The following ROBO4 variants were observed in gnomAD, a reference collection of about 807,000 sequenced individuals.
ROBO4 encodes the protein roundabout guidance receptor 4.
Under a neutral mutation model 103.3 loss-of-function variants are expected in ROBO4, and 80 were observed. The ratio of observed to expected loss-of-function variants is 0.77; its 90% CI spans 0.65 to 0.93. ROBO4 has a LOEUF of 0.93. Among genes scored for constraint, ROBO4 ranks in the 40% least tolerant of loss-of-function variants. The probability of loss-of-function intolerance (pLI) is 0.00; values close to 1 mark genes in which losing one functional copy is unlikely to be tolerated. For missense variants in ROBO4, 1,333 were observed against 1,305.3 expected (o/e 1.02, Z -0.33); for synonymous variants, 504 against 529.7 (o/e 0.95, Z 0.67).
Position 124,893,979 on chromosome 11 carries a change from C to T in ROBO4, c.1385G>A (p.Arg462Lys). 6.3e-7 allele frequency: 1 copy of T among 1,592,618 alleles called. No homozygotes were observed. The highest frequency in any genetic ancestry group is 8.5e-7 in the Non-Finnish European group (1 of 1,170,856). ...GACCTCAGGCCGCTTCAAGGTAGCC[C>T]TCAGCTGCTCCAGGGTCCAGGGACC... Reference protein sequence around the residue: ...EHGPWTLEQLRATLKRPEVIA... With the variant: ...EHGPWTLEQLKATLKRPEVIA... Residue 462 changes from arginine (R) to lysine (K), a missense_variant, in exon 9 of 18, where the codon AGG becomes AAG. Transcript: ENST00000306534.
rs1946796581 is a variant in ROBO4 at position 124,891,492 on chromosome 11, G to A, written c.1755C>T (p.Leu585=). 1.9e-6 allele frequency: 3 copies of A among 1,614,044 alleles called. No homozygotes were observed. Among genetic ancestry groups the A allele is most frequent in the Non-Finnish European group, 2.5e-6 (3 of 1,179,938 alleles). The change falls in exon 12 of 18, where the codon CTC becomes CTT. Residue 585 remains leucine, a synonymous_variant. Coordinates refer to ENST00000306534, the MANE Select transcript of ROBO4 (RefSeq NM_019055.6). ...LPDTSTFYGS[L]IAELPSSTPA... ...GGGTACTGGAGGGCAGCTCAGCGAT[G>A]AGGGAGCCATAAAAAGTGCTGGTGT... is the stretch of plus-strand genomic sequence containing the variant.
intron 10 of ROBO4, 107 bp downstream of exon 10, chr11:124,893,581 A>T (rs1946831692): frequency 2.1e-6 from 2 of 973,122 alleles, no homozygotes; most frequent in Non-Finnish European, 3.4e-6. Flanking sequence ...CATGTACGAC[A>T]GTCCCAAACT....
At chr11:124,891,248 C>T in intron 12 of ROBO4, 51 bp downstream of exon 12, 1 of 1,495,778 alleles carries the variant, frequency 6.7e-7, no homozygotes, top group East Asian at 2.3e-5. Context: ...ATTCCCATTC[C>T]TGGGCCCGCC....
chr11:124,895,781 T>G lies in ROBO4; in HGVS notation c.807+4A>C, dbSNP rs760164792. ...GGCTTTTACCCTTAGCACCTGGTCC[T>G]CACCTTCCAGCTGAGCCACACCGCC... On this transcript the variant is annotated splice_donor_region_variant and intron_variant, in intron 5 of 17. Coordinates refer to ENST00000306534, the MANE Select transcript of ROBO4 (RefSeq NM_019055.6). The G allele has an allele frequency of 6.2e-7, 1 of 1,614,126 alleles. No individual in the cohort carries two copies.
In ROBO4 at chr11:124,887,075, G is replaced by C; in HGVS notation, c.2337C>G (p.Ser779Arg). 1 of 1,613,896 alleles carries C rather than the reference G, an allele frequency of 6.2e-7. No homozygotes were observed. Among genetic ancestry groups the C allele is most frequent in the Non-Finnish European group, 8.5e-7 (1 of 1,179,854 alleles). ...GPSPASSRLS[S>R]SSLSSLGEDQ... The stretch of plus-strand genomic sequence containing the variant: ...CCTCCCCCAGGGATGACAGTGAGGA[G>C]CTGGACAGGCGACTGGAAGCTGGGC... The change falls in exon 15 of 18, where the codon AGC becomes AGG. Residue 779 changes from serine to arginine, a missense_variant. Physicochemically the swap from Ser to Arg is moderately radical, Grantham distance 110. Coordinates refer to ENST00000306534, the MANE Select transcript of ROBO4 (RefSeq NM_019055.6).
chr11:124,895,302 C>G, intron 6 of ROBO4, 109 bp from the exon 7 acceptor site: 1 of 1,133,248 alleles, frequency 8.8e-7, no homozygotes, highest in South Asian at 1.4e-5. Context: ...GACAAGAAGC[C>G]TCTTGAAGCT....
intron 12 of ROBO4, among the ~76,000 whole-genome samples, 191 bp from the exon 13 acceptor site, chr11:124,888,031 G>A (rs1946744618): frequency 6.6e-6 from 1 of 152,254 alleles, no homozygotes; most frequent in South Asian, 2.1e-4. Context: ...AGGAGCACTA[G>A]GCTTGGGGTC....
chr11:124,895,648 G>T lies in ROBO4; in HGVS notation c.845C>A (p.Ala282Asp), dbSNP rs1225685486. ...CGGGGCAGTCTGGGTCCTGAACAAG[G>T]CCGTGTAAGATTGGGCAGGCGCAGC... ...GPAAPAQSYTALFRTQTAPGG... is the reference protein window; with the variant it reads ...GPAAPAQSYTDLFRTQTAPGG... The change falls in exon 6 of 18, where the codon GCC (alanine) becomes GAC (aspartate). Residue 282 changes from alanine (A) to aspartate (D), a missense_variant. Transcript: ENST00000306534. The T allele has an allele frequency of 6.2e-7, 1 of 1,613,794 alleles. No homozygotes were observed. Among genetic ancestry groups the T allele is most frequent in the African/African-American group, 1.3e-5 (1 of 74,924 alleles).
intron 12 of ROBO4, among the ~76,000 whole-genome samples, chr11:124,889,774 A>T (rs144437427): frequency 6.6e-6 from 1 of 152,284 alleles, no homozygotes; most frequent in African/African-American, 2.4e-5. Flanking sequence ...TGCCAGTTTT[A>T]GAAGAGGAAG....
intron 5 of ROBO4, 25 bp from the exon 6 acceptor site, chr11:124,895,710 C>T (rs767349634): frequency 2.7e-5 from 43 of 1,611,122 alleles, no homozygotes; most frequent in Non-Finnish European, 3.5e-5. Context: ...CGAGGAAGGG[C>T]GGGGGGTCAG....
chr11:124,891,850 T>A (rs1179285715), intron 10 of ROBO4, 48 bp from the exon 11 acceptor site: 4 of 1,607,042 alleles, frequency 2.5e-6, no homozygotes, highest in Non-Finnish European at 3.4e-6. Flanking sequence ...CAGGGAGAAG[T>A]GAGAACCTTT....
chr11:124,885,601 G>A (rs1369829856), intron 16 of ROBO4, among the ~76,000 whole-genome samples: 5 of 150,778 alleles, frequency 3.3e-5, no homozygotes, highest in African/African-American at 1.2e-4. Context: ...TTTTGTCGGG[G>A]CAAAGGATAG....
intron 12 of ROBO4, among the ~76,000 whole-genome samples, chr11:124,889,396 G>C (rs1946768181): frequency 6.6e-6 from 1 of 152,128 alleles, no homozygotes; most frequent in Non-Finnish European, 1.5e-5. Flanking sequence ...TTTTATCCTA[G>C]CCTGTTTCAC....
chr11:124,896,527 G>A lies in ROBO4; in HGVS notation c.544C>T (p.Pro182Ser), dbSNP rs781124190. ...GCCACACTTACTGTGTGCCTTCCGGGCTGGAGGGCCAGGGGTTTCCCATCT... is the reference window on the plus strand; with the variant it reads ...GCCACACTTACTGTGTGCCTTCCGGACTGGAGGGCCAGGGGTTTCCCATCT... ...WKDGKPLALQ[P>S]GRHTVSGGSL... The change falls in exon 3 of 18, where the codon CCC becomes TCC. Residue 182 changes from proline to serine, a missense_variant. By Grantham distance (74) the Pro-to-Ser change is moderately conservative. Coordinates refer to ENST00000306534, the MANE Select transcript of ROBO4 (RefSeq NM_019055.6). The A allele has an allele frequency of 6.2e-7, 1 of 1,613,970 alleles. No individual in the cohort carries two copies. Among genetic ancestry groups the A allele is most frequent in the African/African-American group, 1.3e-5 (1 of 74,940 alleles).
chr11:124,887,671 AG>A, intron 13 of ROBO4, 61 bp downstream of exon 13: 2 of 1,562,140 alleles, frequency 1.3e-6, no homozygotes, highest in Non-Finnish European at 1.8e-6. Flanking sequence ...TGGGCTGGTA[AG>A]CCCCTGCATC....
At chr11:124,896,411 A>G (rs978229656) in intron 3 of ROBO4, 93 bp from the exon 4 acceptor site, 3 of 1,592,296 alleles carry the variant, frequency 1.9e-6, no homozygotes, top group African/African-American at 2.7e-5. Context: ...CCCTCCTCAA[A>G]TTCTACCGGA....
chr11:124,887,345 C>A lies in ROBO4; in HGVS notation c.2198+13G>T, dbSNP rs200237190. 3 of 1,613,862 alleles carry A rather than the reference C, an allele frequency of 1.9e-6. No individual in the cohort carries two copies. The highest frequency in any genetic ancestry group is 2.2e-5 in the East Asian group (1 of 44,886). ...CTCTCCCAGCCCTGCTTCCCGACCC[C>A]ATGCCCTCTTACTGGGTCTGTTGAC... On this transcript the variant is annotated intron_variant, in intron 14 of 17. Coordinates refer to ENST00000306534, the MANE Select transcript of ROBO4 (RefSeq NM_019055.6).
At position 124,895,210 on chromosome 11, in the gene ROBO4, G is replaced by C. The variant is rs374173339; in HGVS notation, c.1037-17C>G. 1.3e-6 allele frequency: 2 copies of C among 1,586,312 alleles called. No individual in the cohort carries two copies. The highest frequency in any genetic ancestry group is 1.7e-6 in the Non-Finnish European group (2 of 1,155,296). ...CACTGGGCACTGGAGGGGTGGAAGA[G>C]AGACTATGAGGGGCTCTGAGGGAGA... On this transcript the variant is annotated splice_polypyrimidine_tract_variant and intron_variant, in intron 6 of 17. Transcript: ENST00000306534.
Position 124,894,326 on chromosome 11 carries a change from G to A in ROBO4, c.1193C>T (p.Thr398Ile). 1 of 1,613,934 alleles carries A rather than the reference G, an allele frequency of 6.2e-7. No homozygotes were observed. Among genetic ancestry groups the A allele is most frequent in the South Asian group, 1.1e-5 (1 of 91,068 alleles). The change falls in exon 8 of 18, where the codon ACT becomes ATT. Residue 398 changes from threonine (T) to isoleucine (I), a missense_variant. Thr to Ile is a moderately conservative substitution (Grantham distance 89). Coordinates refer to ENST00000306534, the MANE Select transcript of ROBO4 (RefSeq NM_019055.6). ...CAGCTGGGTCTGCTCACCAACTACA[G>A]TCCAGTTGGCTGGTGGCAGTGATGT... Reference protein sequence around the residue: ...GNTSLPPANWTVVGEQTQLEI... With the variant: ...GNTSLPPANWIVVGEQTQLEI...
Sources: gnomAD v4.1 joint callset for allele counts (sites outside exome capture counted in the v4.1 genomes callset) on GRCh38, gnomAD v4.1.1 for gene constraint, MANE v1.5 for transcripts, NCBI Gene and HGNC (gene_info 2026-07-23, HGNC 2026-07-21) for gene names.